The following CASK variants were observed in gnomAD, a reference collection of about 807,000 sequenced individuals.
CASK encodes calcium/calmodulin dependent serine protein kinase.
Under a neutral mutation model 82.9 loss-of-function variants are expected in CASK, and 4 were observed. The ratio of observed to expected loss-of-function variants is 0.05; its 90% CI spans 0.02 to 0.11. The LOEUF is 0.11. Ranked by LOEUF, CASK falls within the 10% of genes least tolerant of loss-of-function variation. CASK has a pLI of 1.00. For synonymous variants in CASK, 259 were observed against 253.5 expected (o/e 1.02, Z -0.20); for missense variants, 358 against 720.9 (o/e 0.50, Z 5.76).
intron 2 of CASK, among the ~76,000 whole-genome samples, chrX:41,816,550 A>T (rs1424134604): frequency 1.8e-5 from 2 of 111,387 alleles, no homozygotes; most frequent in East Asian, 5.6e-4. Flanking sequence ...TCAACAGAAA[A>T]CATAAATGAA....
intron 8 of CASK, among the ~76,000 whole-genome samples, chrX:41,653,646 T>C (rs188990227): frequency 2.9e-3 from 329 of 111,742 alleles, no homozygotes; most frequent in African/African-American, 9.3e-3. Context: ...ACGAAGGTAG[T>C]TGATGTGAGG....
chrX:41,679,852 C>G (rs2067321855), intron 5 of CASK, among the ~76,000 whole-genome samples: 1 of 111,710 alleles, frequency 9.0e-6, no homozygotes, highest in African/African-American at 3.3e-5. Flanking sequence ...TTTCTTGCCC[C>G]AGATCTGGAA....
chrX:41,719,415 T>A (rs1602517593), intron 5 of CASK, among the ~76,000 whole-genome samples: 1 of 112,119 alleles, frequency 8.9e-6, no homozygotes, highest in East Asian at 2.8e-4. Flanking sequence ...TGCAAACTAA[T>A]AAGAAAATGC....
At chrX:41,763,466 A>G (rs1210741100) in intron 3 of CASK, among the ~76,000 whole-genome samples, 1 of 110,876 alleles carries the variant, frequency 9.0e-6, no homozygotes, top group Admixed American at 9.6e-5. Context: ...AATTGAGACC[A>G]ACCCAGGCAA....
At chrX:41,714,915 T>C (rs778295635) in intron 5 of CASK, among the ~76,000 whole-genome samples, 2 of 112,108 alleles carry the variant, frequency 1.8e-5, no homozygotes, top group Admixed American at 9.4e-5. Context: ...AATACTCTCA[T>C]GCAGGGAGCC....
intron 1 of CASK, among the ~76,000 whole-genome samples, chrX:41,872,949 T>C (rs776933544): frequency 9.0e-6 from 1 of 111,285 alleles, no homozygotes; most frequent in South Asian, 3.8e-4. Flanking sequence ...CATGGGCTAC[T>C]CCTTATTTCT....
At chrX:41,885,770 G>C (rs775041332) in intron 1 of CASK, among the ~76,000 whole-genome samples, 1 of 111,765 alleles carries the variant, frequency 8.9e-6, no homozygotes, top group Non-Finnish European at 1.9e-5. Context: ...TAACGGACCA[G>C]GGTGGAGGGA....
chrX:41,562,481 C>T (rs937074542), intron 16 of CASK: 2 of 111,821 alleles, frequency 1.8e-5, no homozygotes, highest in African/African-American at 3.3e-5. Context: ...AAGTGCTATG[C>T]CATAAAGCAA....
rs750911084 is a variant in CASK, at chrX:41,889,903, C to G, written c.59+33027G>C. 5.4e-5 allele frequency among the ~76,000 whole-genome samples: 6 copies of G among 111,832 alleles called. No individual in the cohort carries two copies. The South Asian group carries it at 2.3e-3, about 42-fold the overall frequency. On this transcript the variant is annotated intron_variant, in intron 1 of 26. Coordinates refer to ENST00000378163, the MANE Select transcript of CASK (RefSeq NM_001367721.1). Reference sequence around the variant, plus strand: ...ATCATAAATAATTTCCCAGTAGAGACTGGCAAAATCGGTGGGGAAAAACAT... The same window carrying G: ...ATCATAAATAATTTCCCAGTAGAGAGTGGCAAAATCGGTGGGGAAAAACAT...
At chrX:41,766,762 C>A (rs1438265855) in intron 3 of CASK, among the ~76,000 whole-genome samples, 1 of 111,258 alleles carries the variant, frequency 9.0e-6, no homozygotes, top group African/African-American at 3.3e-5. Context: ...TGACGCGCAC[C>A]TGTAGTCCCA....
rs138890294 is a variant in CASK at position 41,666,906 on chromosome X, C to T, written c.533-1454G>A. On this transcript the variant is annotated intron_variant, in intron 6 of 26. Transcript: ENST00000378163. ...TAATAGCCTGGACAGGGAGGGGCCA[C>T]TGGAGAATTAGCCTTGTTCTGATGG... is the stretch of plus-strand genomic sequence containing the variant. Among the ~76,000 whole-genome samples the T allele has an allele frequency of 3.4e-4, 38 of 111,482 alleles. No homozygotes were observed. In the East Asian group the frequency reaches 0.011, roughly 31 times the overall value.
At position 41,818,183 on chromosome X, in the gene CASK, G is replaced by A. The variant is rs909392121; in HGVS notation, c.173-30900C>T. ...TGTGTGTGTGTGTGTGTGTGTGTGT[G>A]TGTGTGTGTGTTTGCTGAAATGGAC... is the stretch of plus-strand genomic sequence containing the variant. On this transcript the variant is annotated intron_variant, in intron 2 of 26. Transcript: ENST00000378163. Among the ~76,000 whole-genome samples, 3 of 109,027 alleles carry A rather than the reference G, an allele frequency of 2.8e-5. No homozygotes were observed. The Admixed American group carries it at 3.0e-4, about 11-fold the overall frequency. The allele number at this position is 109,027 out of a possible 115,157, so 94.7% of individuals were successfully genotyped here. A position where few individuals can be genotyped will look rare whatever the true frequency, so the allele number is the denominator to read the frequency against.
intron 2 of CASK, among the ~76,000 whole-genome samples, chrX:41,836,520 A>AAAAC (rs36024953): frequency 0.18 from 19,967 of 110,788 alleles, 1,537 homozygotes; most frequent in Middle Eastern, 0.29. Context: ...TGACAACTCA[A>AAAAC]AAAATATTGC....
rs1258804431 is a variant in CASK, at chrX:41,655,828, G to T, written c.831+4611C>A. Among the ~76,000 whole-genome samples the T allele has an allele frequency of 3.6e-5, 4 of 111,965 alleles. No individual in the cohort carries two copies. The East Asian group carries it at 1.1e-3, about 32-fold the overall frequency. The stretch of plus-strand genomic sequence containing the variant: ...AAGGTAAGATCACATTAGCTTGGCA[G>T]TTGAATTGCATTCTGAAGAAATGAA... On this transcript the variant is annotated intron_variant, in intron 8 of 26. Coordinates refer to ENST00000378163, the MANE Select transcript of CASK (RefSeq NM_001367721.1).
In CASK at chrX:41,832,035, T is replaced by TA. The variant is rs774374805; in HGVS notation, c.172+21079dup. Among the ~76,000 whole-genome samples the TA allele has an allele frequency of 7.0e-4, 71 of 100,930 alleles. 1 individual carries two copies. The highest frequency in any genetic ancestry group is 4.7e-3 in the South Asian group (11 of 2,339). 87.6% of individuals were successfully genotyped at this position (100,930 alleles called of 115,157 possible). ...ATGCTTTTTTAAAAAACACGAAACC[T>TA]AAAAAAAAAAACACTAAGCTTTAAC... On this transcript the variant is annotated intron_variant, in intron 2 of 26. Transcript: ENST00000378163.
At chrX:41,847,053 C>T (rs2071169751) in intron 2 of CASK, among the ~76,000 whole-genome samples, 2 of 111,890 alleles carry the variant, frequency 1.8e-5, no homozygotes, top group Non-Finnish European at 3.8e-5. Flanking sequence ...AGATACTCCC[C>T]TTGTCTGTAG....
At chrX:41,539,602 C>T (rs1427433321) in intron 22 of CASK, among the ~76,000 whole-genome samples, 2 of 112,249 alleles carry the variant, frequency 1.8e-5, no homozygotes, top group Non-Finnish European at 3.8e-5. Context: ...AACTGCCTCA[C>T]CAATGGAAGT....
chrX:41,887,434 C>T (rs749619647), intron 1 of CASK, among the ~76,000 whole-genome samples: 60 of 109,856 alleles, frequency 5.5e-4, no homozygotes, highest in African/African-American at 1.9e-3. Flanking sequence ...TGATACATCT[C>T]TATTATTTCC....
intron 2 of CASK, among the ~76,000 whole-genome samples, chrX:41,842,885 T>C (rs1257836028): frequency 8.9e-6 from 1 of 112,109 alleles, no homozygotes. Context: ...TTGCACTTCC[T>C]TGGTTAAATA....
Sources: gnomAD v4.1 joint callset for allele counts (sites outside exome capture counted in the v4.1 genomes callset) on GRCh38, gnomAD v4.1.1 for gene constraint, MANE v1.5 for transcripts, NCBI Gene and HGNC (gene_info 2026-07-23, HGNC 2026-07-21) for gene names.